The following ADGRV1 variants were observed in gnomAD, a reference collection of about 807,000 sequenced individuals.
ADGRV1 encodes the protein adhesion G protein-coupled receptor V1, also known as G-protein coupled receptor 98.
A neutral mutation model predicts 596.2 loss-of-function variants in ADGRV1; 359 were observed. That is an observed-to-expected ratio of 0.60 (90% CI 0.55 to 0.66). The LOEUF is 0.66. Ranked by LOEUF, ADGRV1 falls within the 30% of genes least tolerant of loss-of-function variation. ADGRV1 has a pLI of 0.00. For synonymous variants in ADGRV1, 2,681 were observed against 2,679.2 expected (o/e 1.00, Z -0.02); for missense variants, 7,274 against 7,575.6 (o/e 0.96, Z 1.48).
At chr5:91,137,055 G>A (rs1794697535) in intron 87 of ADGRV1, among the ~76,000 whole-genome samples, 1 of 152,118 alleles carries the variant, frequency 6.6e-6, no homozygotes, top group African/African-American at 2.4e-5. Context: ...ATTAAAAGTG[G>A]CACTACCAGA....
chr5:90,707,678 T>C (rs1424946872), intron 38 of ADGRV1, among the ~76,000 whole-genome samples: 1 of 152,154 alleles, frequency 6.6e-6, no homozygotes, highest in Non-Finnish European at 1.5e-5. Flanking sequence ...AATAAATGGA[T>C]TGATTATTCC....
intron 85 of ADGRV1, among the ~76,000 whole-genome samples, chr5:91,022,457 G>C (rs541227966): frequency 6.6e-6 from 1 of 152,028 alleles, no homozygotes; most frequent in South Asian, 2.1e-4. Flanking sequence ...ATAAAAATAG[G>C]CAGGAAAAAA....
intron 83 of ADGRV1, among the ~76,000 whole-genome samples, chr5:90,896,645 A>G (rs1181395269): frequency 2.0e-5 from 3 of 152,164 alleles, no homozygotes; most frequent in Non-Finnish European, 4.4e-5. Flanking sequence ...TTGCACTTTA[A>G]TAGGTAATGT....
chr5:91,108,599 C>CTT (rs149909768), intron 87 of ADGRV1, among the ~76,000 whole-genome samples: 2 of 151,808 alleles, frequency 1.3e-5, no homozygotes, highest in African/African-American at 4.8e-5. Context: ...TCTCTACAGT[C>CTT]TTTTTTTTCC....
intron 85 of ADGRV1, among the ~76,000 whole-genome samples, chr5:91,039,164 A>G (rs923206944): frequency 6.6e-6 from 1 of 152,172 alleles, no homozygotes; most frequent in Non-Finnish European, 1.5e-5. Context: ...AGCTGACAAA[A>G]ATCCAACTCA....
Position 90,619,188 on chromosome 5 carries a change from A to T in ADGRV1, c.453+7A>T, listed in dbSNP as rs763180112. On this transcript the variant is annotated splice_region_variant and intron_variant, in intron 4 of 89. Coordinates refer to ENST00000405460, the MANE Select transcript of ADGRV1 (RefSeq NM_032119.4). ...AATTATTTCATTTAATATGGTATGG[A>T]CACAATTTGATGATAATTGTGGTTG... 6 of 1,235,306 alleles carry T rather than the reference A, an allele frequency of 4.9e-6. No individual in the cohort carries two copies. The South Asian group carries it at 1.1e-4, about 22-fold the overall frequency. 76.5% of individuals were successfully genotyped at this position (1,235,306 alleles called of 1,614,324 possible).
chr5:90,813,565 T>C lies in ADGRV1; in HGVS notation c.16079-2054T>C, dbSNP rs965272537. ...GAGCTCTGTGAGATTCTGTAATGTTTACCTTCCCTACATAAGGCACACTCA... is the reference window on the plus strand; with the variant it reads ...GAGCTCTGTGAGATTCTGTAATGTTCACCTTCCCTACATAAGGCACACTCA... On this transcript the variant is annotated intron_variant, in intron 74 of 89. Transcript: ENST00000405460. Among the ~76,000 whole-genome samples the C allele has an allele frequency of 3.3e-5, 5 of 152,298 alleles. No homozygotes were observed. In the East Asian group the frequency reaches 9.7e-4, roughly 29 times the overall value.
chr5:90,628,937 G>T, intron 8 of ADGRV1, 105 bp downstream of exon 8: 1 of 1,008,714 alleles, frequency 9.9e-7, no homozygotes, highest in African/African-American at 1.6e-5. Context: ...GAAGGGACAG[G>T]AAAAACACTG....
intron 1 of ADGRV1, among the ~76,000 whole-genome samples, chr5:90,606,001 C>T (rs188680382): frequency 1.4e-4 from 21 of 152,270 alleles, no homozygotes; most frequent in Admixed American, 1.2e-3. Context: ...TGTGACTTCA[C>T]TAAGTCTGAG....
intron 44 of ADGRV1, among the ~76,000 whole-genome samples, chr5:90,720,424 A>G (rs540467587): frequency 1.3e-5 from 2 of 152,342 alleles, no homozygotes; most frequent in East Asian, 3.9e-4. Context: ...CCCTGTTATT[A>G]GAATGGTGTT....
chr5:90,616,262 T>G (rs1399533403), intron 2 of ADGRV1, among the ~76,000 whole-genome samples: 1 of 152,094 alleles, frequency 6.6e-6, no homozygotes, highest in Non-Finnish European at 1.5e-5. Context: ...TTACTCATTT[T>G]GAGCTCTTTC....
intron 1 of ADGRV1, among the ~76,000 whole-genome samples, chr5:90,597,830 T>A (rs1196476002): frequency 6.6e-6 from 1 of 152,204 alleles, no homozygotes; most frequent in Non-Finnish European, 1.5e-5. Flanking sequence ...GATGGTGGGT[T>A]ATTCTTAGAG....
chr5:90,958,689 G>A (rs1217712600), intron 83 of ADGRV1, among the ~76,000 whole-genome samples: 1 of 152,144 alleles, frequency 6.6e-6, no homozygotes, highest in Non-Finnish European at 1.5e-5. Context: ...GCATGTGCGT[G>A]TCTGTGTCCA....
chr5:90,769,140 T>G (rs1306759389), intron 59 of ADGRV1, among the ~76,000 whole-genome samples: 1 of 152,168 alleles, frequency 6.6e-6, no homozygotes, highest in Non-Finnish European at 1.5e-5. Flanking sequence ...TAATAAGTCC[T>G]TTCCAGAAGG....
At chr5:90,705,963 C>G (rs1372598589) in intron 37 of ADGRV1, among the ~76,000 whole-genome samples, 1 of 152,090 alleles carries the variant, frequency 6.6e-6, no homozygotes, top group East Asian at 1.9e-4. Flanking sequence ...TTAGAACCAG[C>G]ACATCATCAT....
chr5:91,107,422 GTTTTGTTTTTGTTTTTGTTTTTGT>G (rs141924606), intron 87 of ADGRV1, among the ~76,000 whole-genome samples: 1,740 of 150,674 alleles, frequency 0.012, 10 homozygotes, highest in Non-Finnish European at 0.019. Flanking sequence ...GTTTCGTTTT[GTTTTGTTTTTGTTTTTGTTTTTGT>G]TTTTGTTTTT....
intron 59 of ADGRV1, among the ~76,000 whole-genome samples, chr5:90,767,068 A>G (rs1757222304): frequency 6.6e-6 from 1 of 152,216 alleles, no homozygotes; most frequent in Admixed American, 6.5e-5. Context: ...TGGAAGAGAC[A>G]ATCTGATTAT....
chr5:90,779,951 G>GA, intron 64 of ADGRV1: 1 of 152,180 alleles, frequency 6.6e-6, no homozygotes, highest in South Asian at 2.1e-4. Context: ...TCCCATCTGG[G>GA]AAAAAAATAT....
chr5:90,985,427 A>C lies in ADGRV1; in HGVS notation c.18057A>C (p.Gly6019=). Residue 6019 remains glycine, a synonymous_variant, in exon 85 of 90, where the codon GGA becomes GGC. Transcript: ENST00000405460. The part of the protein sequence containing the change: ...RYLLFFLLSW[G]LPAFVVILLI... ...TGCTGTTTTTCCTTCTGAGTTGGGG[A>C]CTACCAGCTTTTGTGGTGATTCTCC... 1 of 1,613,678 alleles carries C rather than the reference A, an allele frequency of 6.2e-7. No individual in the cohort carries two copies. The highest frequency in any genetic ancestry group is 8.5e-7 in the Non-Finnish European group (1 of 1,179,686).
Sources: gnomAD v4.1 joint callset for allele counts (sites outside exome capture counted in the v4.1 genomes callset) on GRCh38, gnomAD v4.1.1 for gene constraint, MANE v1.5 for transcripts, NCBI Gene and HGNC (gene_info 2026-07-23, HGNC 2026-07-21) for gene names.